DPP10: variants seen among roughly 807,000 people sequenced by gnomAD.
DPP10 encodes dipeptidyl peptidase like 10.
Under a neutral mutation model 120.9 loss-of-function variants are expected in DPP10, and 33 were observed. The ratio of observed to expected loss-of-function variants is 0.27; its 90% confidence interval spans 0.21 to 0.37. DPP10 has a LOEUF of 0.37. Ranked by LOEUF, DPP10 falls within the 10% of genes least tolerant of loss-of-function variation. The pLI is 1.00. For synonymous variants in DPP10, 337 were observed against 326.1 expected (o/e 1.03, Z -0.36); for missense variants, 816 against 942.8 (o/e 0.87, Z 1.76).
intron 5 of DPP10, among the ~76,000 whole-genome samples, chr2:115,681,994 A>T (rs1023095685): frequency 6.6e-6 from 1 of 151,894 alleles, no homozygotes; most frequent in African/African-American, 2.4e-5. Context: ...GTAATTTCCT[A>T]TGTGTTGAAA....
intron 2 of DPP10, among the ~76,000 whole-genome samples, chr2:115,322,320 C>G (rs1020640523): frequency 6.6e-6 from 1 of 151,966 alleles, no homozygotes; most frequent in African/African-American, 2.4e-5. Flanking sequence ...TTGTGGTTAG[C>G]TAGGGTTTTC....
chr2:115,626,043 A>G (rs967151552), intron 5 of DPP10, among the ~76,000 whole-genome samples: 1 of 151,530 alleles, frequency 6.6e-6, no homozygotes, highest in African/African-American at 2.4e-5. Flanking sequence ...AAAAAGAAAA[A>G]AAAAAACAAA....
intron 15 of DPP10, among the ~76,000 whole-genome samples, chr2:115,779,652 G>A (rs1682516410): frequency 6.6e-6 from 1 of 151,866 alleles, no homozygotes. Flanking sequence ...TATGCAACTG[G>A]GATACTTTCT....
At chr2:115,793,959 A>G (rs886383997) in intron 19 of DPP10, among the ~76,000 whole-genome samples, 4 of 152,184 alleles carry the variant, frequency 2.6e-5, no homozygotes, top group Admixed American at 6.5e-5. Context: ...TCAGAATAGC[A>G]AAAGTAGAAA....
At chr2:115,137,074 C>T (rs116397445) in intron 1 of DPP10, among the ~76,000 whole-genome samples, 18 of 152,056 alleles carry the variant, frequency 1.2e-4, no homozygotes, top group African/African-American at 3.9e-4. Flanking sequence ...ATGAAAGCCA[C>T]GTGTGAGGGT....
rs573218080 is a variant in DPP10, at chr2:115,266,086, TTTAA to T, written c.61-43149_61-43146del. 7.2e-5 allele frequency among the ~76,000 whole-genome samples: 11 copies of T among 152,250 alleles called. No individual in the cohort carries two copies. The East Asian group carries it at 1.2e-3, about 16-fold the overall frequency. Reference sequence around the variant, plus strand: ...AAAATATATTAACATGAGGAGGTAATTTAATTATTATTTAGGAATGGTTATCAGC... The same window carrying T: ...AAAATATATTAACATGAGGAGGTAATTTATTATTTAGGAATGGTTATCAGC... On this transcript the variant is annotated intron_variant, in intron 1 of 25. Transcript: ENST00000410059.
At chr2:114,812,169 A>T (rs1253289294) in intron 1 of DPP10, among the ~76,000 whole-genome samples, 2 of 152,222 alleles carry the variant, frequency 1.3e-5, no homozygotes, top group Non-Finnish European at 2.9e-5. Flanking sequence ...AAATTTACAC[A>T]ATCTGCAGAA....
In DPP10 at chr2:115,843,304, C is replaced by A. The variant is rs760553577; in HGVS notation, c.*959C>A. On this transcript the variant is annotated 3_prime_UTR_variant, in exon 26 of 26. Coordinates refer to ENST00000410059, the MANE Select transcript of DPP10 (RefSeq NM_020868.6). ...ATACTTAAATATTAAATTATAGTTT[C>A]TGATAAAGAAATTTTGTTAACAATG... The A allele has an allele frequency of 1.3e-5, 2 of 152,508 alleles. No homozygotes were observed. The highest frequency in any genetic ancestry group is 1.5e-5 in the Non-Finnish European group (1 of 68,010). 9.4% of individuals were successfully genotyped at this position (152,508 alleles called of 1,614,324 possible).
intron 2 of DPP10, among the ~76,000 whole-genome samples, chr2:115,318,994 A>G: frequency 6.6e-6 from 1 of 152,144 alleles, no homozygotes; most frequent in Non-Finnish European, 1.5e-5. Context: ...TTATTCCATC[A>G]TAGGTGGAAA....
intron 19 of DPP10, among the ~76,000 whole-genome samples, chr2:115,801,904 A>T (rs142565319): frequency 0.018 from 2,771 of 151,898 alleles, 85 homozygotes; most frequent in African/African-American, 0.061. Context: ...CTTTTTTTGT[A>T]GTGTCTCTGC....
At chr2:114,560,778 C>A (rs1688702956) in intron 1 of DPP10, among the ~76,000 whole-genome samples, 1 of 152,168 alleles carries the variant, frequency 6.6e-6, no homozygotes, top group Non-Finnish European at 1.5e-5. Context: ...TGTGCTAATG[C>A]AGGCTCTTCT....
At chr2:115,414,509 A>G (rs568665580) in intron 3 of DPP10, among the ~76,000 whole-genome samples, 1 of 152,150 alleles carries the variant, frequency 6.6e-6, no homozygotes. Flanking sequence ...GAAGTCTATT[A>G]TGTGTTTTCA....
intron 5 of DPP10, among the ~76,000 whole-genome samples, chr2:115,552,210 T>C (rs1281866884): frequency 1.3e-5 from 2 of 152,164 alleles, no homozygotes; most frequent in African/African-American, 4.8e-5. Context: ...AATGATTCAT[T>C]TAAAACAATC....
intron 1 of DPP10, among the ~76,000 whole-genome samples, chr2:115,157,243 G>GC (rs2051979336): frequency 1.1e-5 from 1 of 87,048 alleles, no homozygotes; most frequent in South Asian, 3.6e-4. Flanking sequence ...TTTAAATATA[G>GC]CAAAAAAAAA....
chr2:115,180,638 T>A (rs1179978949), intron 1 of DPP10, among the ~76,000 whole-genome samples: 2 of 152,196 alleles, frequency 1.3e-5, no homozygotes, highest in South Asian at 4.1e-4. Context: ...CTGCAGAGTC[T>A]TATGACATAC....
chr2:114,565,920 G>T (rs1306089329), intron 1 of DPP10, among the ~76,000 whole-genome samples: 1 of 152,084 alleles, frequency 6.6e-6, no homozygotes, highest in Admixed American at 6.6e-5. Flanking sequence ...ATATTATTAA[G>T]TACCTCCCTC....
intron 1 of DPP10, among the ~76,000 whole-genome samples, chr2:114,479,817 G>A (rs1445785596): frequency 6.6e-6 from 1 of 152,166 alleles, no homozygotes; most frequent in Non-Finnish European, 1.5e-5. Flanking sequence ...AGGACTTCAT[G>A]TCTAAAACAC....
At chr2:115,573,383 C>T (rs1232449990) in intron 5 of DPP10, among the ~76,000 whole-genome samples, 2 of 144,598 alleles carry the variant, frequency 1.4e-5, no homozygotes, top group African/African-American at 5.2e-5. Context: ...CCCGGGTTCA[C>T]GCCATTCTCC....
intron 5 of DPP10, among the ~76,000 whole-genome samples, chr2:115,592,641 A>C (rs1462654019): frequency 6.6e-6 from 1 of 152,130 alleles, no homozygotes; most frequent in African/African-American, 2.4e-5. Context: ...CTGTAGTCCC[A>C]GCTACTAGCG....
Sources: gnomAD v4.1 joint callset for allele counts (sites outside exome capture counted in the v4.1 genomes callset) on GRCh38, gnomAD v4.1.1 for gene constraint, MANE v1.5 for transcripts, NCBI Gene and HGNC (gene_info 2026-07-23, HGNC 2026-07-21) for gene names.